Variants in RPS6KA2 observed in about 807,000 individuals in gnomAD.
RPS6KA2 encodes ribosomal protein S6 kinase alpha-2.
In RPS6KA2, 42 loss-of-function variants were observed where a neutral mutation model predicts 91.8. That is an observed-to-expected ratio of 0.46 (90% confidence interval 0.36 to 0.59). The LOEUF is 0.59. Ranked by LOEUF, RPS6KA2 falls within the 20% of genes least tolerant of loss-of-function variation. The pLI is 0.00. For synonymous variants in RPS6KA2, 414 were observed against 393.6 expected (o/e 1.05, Z -0.61); for missense variants, 798 against 978.5 (o/e 0.82, Z 2.46).
chr6:166,494,261 G>A lies in RPS6KA2; in HGVS notation c.748-3520C>T, dbSNP rs894547535. The stretch of plus-strand genomic sequence containing the variant: ...ATGCCCTCTAATCCGAGCTGCTCTC[G>A]CTCCGTGTGCTGCACCCCACTCCGA... On this transcript the variant is annotated intron_variant, in intron 8 of 20. Coordinates refer to ENST00000265678, the MANE Select transcript of RPS6KA2 (RefSeq NM_021135.6). This position sits in a 1 kb window ranked among gnomAD's most constrained non-coding sequence, Gnocchi z 5.1. Among the ~76,000 whole-genome samples, 1 of 152,190 alleles carries A rather than the reference G, an allele frequency of 6.6e-6. No individual in the cohort carries two copies. The highest frequency in any genetic ancestry group is 2.1e-4 in the South Asian group (1 of 4,816).
chr6:166,779,104 T>C (rs2128609665), intron 2 of RPS6KA2, among the ~76,000 whole-genome samples: 1 of 152,352 alleles, frequency 6.6e-6, no homozygotes, highest in Middle Eastern at 3.4e-3. Flanking sequence ...TCACTGGCAC[T>C]GCTTCAAAGA....
chr6:166,668,438 T>C (rs778489501), intron 2 of RPS6KA2, among the ~76,000 whole-genome samples: 1 of 152,150 alleles, frequency 6.6e-6, no homozygotes, highest in African/African-American at 2.4e-5. Flanking sequence ...GGACTCGGCA[T>C]CTGAACGACT....
chr6:166,438,614 C>A (rs575199017), intron 14 of RPS6KA2, among the ~76,000 whole-genome samples: 1 of 152,342 alleles, frequency 6.6e-6, no homozygotes, highest in East Asian at 1.9e-4. Context: ...CCCCACTGAG[C>A]TTGTGCGGTC....
chr6:166,629,089 C>G (rs543296941), upstream of RPS6KA2, among the ~76,000 whole-genome samples: 1 of 152,208 alleles, frequency 6.6e-6, no homozygotes, highest in Non-Finnish European at 1.5e-5. Flanking sequence ...CATCCTGGCT[C>G]TAGGCAAACA....
At chr6:166,701,889 G>A (rs1583032605) in intron 2 of RPS6KA2, 2 of 1,063,224 alleles carry the variant, frequency 1.9e-6, no homozygotes, top group East Asian at 4.8e-5. Context: ...TCCTGCAATG[G>A]AGATATCGTG....
At chr6:166,679,137 T>C (rs1788706527) in intron 2 of RPS6KA2, among the ~76,000 whole-genome samples, 1 of 152,202 alleles carries the variant, frequency 6.6e-6, no homozygotes, top group Admixed American at 6.5e-5. Flanking sequence ...GAGATGTTGC[T>C]TTTTAAGTCA....
rs1411670800 is a variant in RPS6KA2 at position 166,494,101 on chromosome 6, C to T, written c.748-3360G>A. On this transcript the variant is annotated intron_variant, in intron 8 of 20. Transcript: ENST00000265678. The surrounding 1 kb of genome is among the most constrained non-coding windows in gnomAD (Gnocchi z 5.1). ...GCTAACATTTTAATCTGAAAACAGG[C>T]GAGGACAAGCCCTGACCTGAGATGG... Among the ~76,000 whole-genome samples the T allele has an allele frequency of 6.6e-6, 1 of 152,096 alleles. No individual in the cohort carries two copies. The highest frequency in any genetic ancestry group is 6.5e-5 in the Admixed American group (1 of 15,278).
In RPS6KA2 at chr6:166,839,680, C is replaced by CAGGGCAGGGGAGGGGAGGGG. The variant is rs1562465693; in HGVS notation, c.123+18519_123+18520insCCCCTCCCCTCCCCTGCCCT. On this transcript the variant is annotated intron_variant, in intron 2 of 21. Transcript: ENST00000503859. ...TATAAGAGGGAGGTGGAAATCAGAG[C>CAGGGCAGGGGAGGGGAGGGG]AGGAGAGGAGAGGGGAGGAGAGGAG... is the stretch of plus-strand genomic sequence containing the variant. Among the ~76,000 whole-genome samples the CAGGGCAGGGGAGGGGAGGGG allele has an allele frequency of 4.2e-3, 3 of 706 alleles. 1 individual carries two copies. Among genetic ancestry groups the CAGGGCAGGGGAGGGGAGGGG allele is most frequent in the East Asian group, 0.071 (1 of 14 alleles). 0.5% of individuals were successfully genotyped at this position (706 alleles called of 152,430 possible).
At chr6:166,655,536 G>T (rs1787977249) in intron 2 of RPS6KA2, among the ~76,000 whole-genome samples, 1 of 152,218 alleles carries the variant, frequency 6.6e-6, no homozygotes, top group Non-Finnish European at 1.5e-5. Flanking sequence ...TGGGCTGGAG[G>T]CTACACACCT....
At chr6:166,451,328 A>G in intron 12 of RPS6KA2, 95 bp from the exon 13 acceptor site, 1 of 1,319,246 alleles carries the variant, frequency 7.6e-7, no homozygotes, top group Non-Finnish European at 1.0e-6. Context: ...TGTGTGTGCA[A>G]GTCCGTGTGT....
intron 1 of RPS6KA2, among the ~76,000 whole-genome samples, chr6:166,590,667 G>C (rs1785326106): frequency 6.6e-6 from 1 of 152,090 alleles, no homozygotes; most frequent in Non-Finnish European, 1.5e-5. Flanking sequence ...TATGTTAATG[G>C]GCTTTCCTGC....
intron 10 of RPS6KA2, among the ~76,000 whole-genome samples, chr6:166,472,346 GA>G (rs1157577279): frequency 1.3e-5 from 2 of 152,196 alleles, no homozygotes; most frequent in African/African-American, 4.8e-5. Context: ...AGAGGCAGAG[GA>G]AATACAGGTA....
At chr6:166,728,908 G>A (rs1790428340) in intron 2 of RPS6KA2, among the ~76,000 whole-genome samples, 2 of 152,194 alleles carry the variant, frequency 1.3e-5, no homozygotes, top group South Asian at 4.1e-4. Flanking sequence ...CCTGTGAGGT[G>A]TAGCTGCATC....
At chr6:166,746,169 G>A (rs1386940560) in intron 2 of RPS6KA2, among the ~76,000 whole-genome samples, 1 of 152,174 alleles carries the variant, frequency 6.6e-6, no homozygotes, top group Non-Finnish European at 1.5e-5. Context: ...CACACACCCA[G>A]CTGGAGTATG....
intron 2 of RPS6KA2, among the ~76,000 whole-genome samples, chr6:166,764,488 C>A (rs1041884939): frequency 6.6e-6 from 1 of 152,084 alleles, no homozygotes; most frequent in Non-Finnish European, 1.5e-5. Context: ...CTCAATGAAG[C>A]TGAAGGAGTG....
chr6:166,678,386 G>A (rs889030658), intron 2 of RPS6KA2, among the ~76,000 whole-genome samples: 7 of 152,224 alleles, frequency 4.6e-5, no homozygotes, highest in African/African-American at 1.7e-4. Context: ...AAGCCGCCCT[G>A]CAAGCCCACT....
At chr6:166,440,935 C>T (rs915360117) in intron 14 of RPS6KA2, among the ~76,000 whole-genome samples, 5 of 152,172 alleles carry the variant, frequency 3.3e-5, no homozygotes, top group Non-Finnish European at 5.9e-5. Context: ...GTGTGTGTTT[C>T]GAGGAGATAC....
At chr6:166,680,251 A>G (rs1430644022) in intron 2 of RPS6KA2, among the ~76,000 whole-genome samples, 1 of 152,218 alleles carries the variant, frequency 6.6e-6, no homozygotes, top group South Asian at 2.1e-4. Flanking sequence ...CTCTGTGTCT[A>G]GCTAAAGGTT....
chr6:166,696,640 G>A (rs1045422618), intron 2 of RPS6KA2, among the ~76,000 whole-genome samples: 1 of 152,198 alleles, frequency 6.6e-6, no homozygotes, highest in Non-Finnish European at 1.5e-5. Flanking sequence ...TATTATGAAT[G>A]TGTCCGTGAG....
Sources: gnomAD v4.1 joint callset for allele counts (sites outside exome capture counted in the v4.1 genomes callset) on GRCh38, gnomAD v4.1.1 for gene constraint, Gnocchi (gnomAD v3.1) non-coding constraint, MANE v1.5 for transcripts, NCBI Gene and HGNC (gene_info 2026-07-23, HGNC 2026-07-21) for gene names.